The following RNF130 variants were observed in gnomAD, a reference collection of about 807,000 sequenced individuals.
The protein encoded by RNF130 is ring finger protein 130.
A neutral mutation model predicts 44.6 loss-of-function variants in RNF130; 21 were observed. That is an observed-to-expected ratio of 0.47 (90% CI 0.33 to 0.68). The LOEUF (loss-of-function observed/expected upper bound fraction) is 0.68, where lower values mean the gene tolerates loss of function less well. Ranked by LOEUF, RNF130 falls within the 30% of genes least tolerant of loss-of-function variation. RNF130 has a pLI of 0.02. For synonymous variants in RNF130, 214 were observed against 210.4 expected, an observed-to-expected ratio of 1.02 and a Z score of -0.15; for missense variants, 479 against 560.6, an observed-to-expected ratio of 0.85 and a Z score of 1.47.
chr5:179,945,357 C>A (rs930892393), intron 7 of RNF130, among the ~76,000 whole-genome samples: 3 of 152,140 alleles, frequency 2.0e-5, no homozygotes, highest in Non-Finnish European at 4.4e-5. Flanking sequence ...GCGGCGGGGG[C>A]TTTTCTGGGC....
At chr5:180,068,399 A>G (rs1765158070) in intron 1 of RNF130, among the ~76,000 whole-genome samples, 1 of 152,264 alleles carries the variant, frequency 6.6e-6, no homozygotes, top group Non-Finnish European at 1.5e-5. Flanking sequence ...ATTCTTTACC[A>G]GTTAAAATAT....
At chr5:180,012,421 A>T (rs1483481903) in intron 3 of RNF130, among the ~76,000 whole-genome samples, 3 of 152,088 alleles carry the variant, frequency 2.0e-5, no homozygotes, top group Non-Finnish European at 4.4e-5. Flanking sequence ...ACATCAATCA[A>T]ACTCAGTCAC....
downstream of RNF130, among the ~76,000 whole-genome samples, chr5:179,950,951 C>T (rs978794648): frequency 1.3e-5 from 2 of 152,104 alleles, no homozygotes; most frequent in Admixed American, 6.5e-5. Context: ...AGGAACTATA[C>T]CATGAATCTA....
intron 3 of RNF130, among the ~76,000 whole-genome samples, chr5:180,006,615 G>T (rs1044602003): frequency 2.0e-5 from 3 of 152,130 alleles, no homozygotes; most frequent in Non-Finnish European, 2.9e-5. Flanking sequence ...AAATATTCAG[G>T]AGTCCATTAA....
rs114592109 is a variant in RNF130, at chr5:180,005,104, A to G, written c.693+7957T>C. Among the ~76,000 whole-genome samples, 260 of 152,286 alleles carry G rather than the reference A, an allele frequency of 1.7e-3. 1 individual carries two copies. The highest frequency in any genetic ancestry group is 5.5e-3 in the African/African-American group (230 of 41,550). ...TTCTCCCTAAGTCTCTCGCACCAGA[A>G]AAGAATTGTATATCACTCCACTGCT... On this transcript the variant is annotated intron_variant, in intron 3 of 8. Transcript: ENST00000521389.
At chr5:180,012,520 G>A (rs1308193800) in intron 3 of RNF130, among the ~76,000 whole-genome samples, 1 of 152,132 alleles carries the variant, frequency 6.6e-6, no homozygotes, top group Non-Finnish European at 1.5e-5. Context: ...TAGATGCGCT[G>A]TCAGTGGAAC....
At chr5:179,994,503 T>C (rs1215256559) in intron 3 of RNF130, among the ~76,000 whole-genome samples, 1 of 152,214 alleles carries the variant, frequency 6.6e-6, no homozygotes, top group Non-Finnish European at 1.5e-5. Context: ...GTGGACTTTT[T>C]TTAATCCTGA....
intron 5 of RNF130, among the ~76,000 whole-genome samples, chr5:179,974,169 G>T (rs1762656794): frequency 6.6e-6 from 1 of 152,150 alleles, no homozygotes; most frequent in Non-Finnish European, 1.5e-5. Flanking sequence ...TGCTAGCTGG[G>T]GCTGGCAGCA....
In RNF130 at chr5:179,990,753, C is replaced by T. The variant is rs1441813917; in HGVS notation, c.694-10553G>A. Among the ~76,000 whole-genome samples the T allele has an allele frequency of 3.9e-5, 6 of 152,360 alleles. No individual in the cohort carries two copies. The East Asian group carries it at 5.8e-4, about 15-fold the overall frequency. ...GGCCCTGTCTGGGCGTGACAGAGGG[C>T]TCACACTCTTGTCTTCTGGTCACTT... is the stretch of plus-strand genomic sequence containing the variant. On this transcript the variant is annotated intron_variant, in intron 3 of 8. Transcript: ENST00000521389.
At chr5:179,949,047 C>T (rs545177284) in intron 7 of RNF130, among the ~76,000 whole-genome samples, 2 of 149,994 alleles carry the variant, frequency 1.3e-5, no homozygotes, top group South Asian at 4.2e-4. Flanking sequence ...CTCACTGCAA[C>T]CTCTGCCTCC....
intron 2 of RNF130, among the ~76,000 whole-genome samples, chr5:180,031,532 C>T (rs146687161): frequency 1.7e-4 from 26 of 152,238 alleles, no homozygotes; most frequent in Admixed American, 5.2e-4. Flanking sequence ...TTATACGTAG[C>T]TTTTTGACTG....
chr5:180,058,551 G>A (rs923877303), intron 1 of RNF130, among the ~76,000 whole-genome samples: 8 of 151,896 alleles, frequency 5.3e-5, no homozygotes, highest in Non-Finnish European at 1.0e-4. Context: ...CATTTAATGG[G>A]TATGTTTTTA....
At chr5:179,994,087 C>G (rs1322737630) in intron 3 of RNF130, among the ~76,000 whole-genome samples, 1 of 152,126 alleles carries the variant, frequency 6.6e-6, no homozygotes, top group Non-Finnish European at 1.5e-5. Flanking sequence ...TGGTCTATAT[C>G]TCTGTTTTGG....
chr5:179,961,825 A>G (rs1762336049), intron 8 of RNF130, among the ~76,000 whole-genome samples: 1 of 152,142 alleles, frequency 6.6e-6, no homozygotes, highest in African/African-American at 2.4e-5. Flanking sequence ...AATTAAATTC[A>G]CTTCCCAGAC....
chr5:180,058,497 T>C (rs887460882), intron 1 of RNF130, among the ~76,000 whole-genome samples: 1 of 151,898 alleles, frequency 6.6e-6, no homozygotes, highest in Non-Finnish European at 1.5e-5. Context: ...GAAAGTAGAG[T>C]GGTGTTCGCA....
chr5:180,035,535 C>T (rs967453559), intron 2 of RNF130, among the ~76,000 whole-genome samples: 4 of 152,122 alleles, frequency 2.6e-5, no homozygotes, highest in Non-Finnish European at 5.9e-5. Flanking sequence ...TAGTGTTGGT[C>T]AAGGTTTCTA....
intron 2 of RNF130, among the ~76,000 whole-genome samples, chr5:180,025,313 T>C (rs1252864404): frequency 2.0e-5 from 3 of 152,198 alleles, no homozygotes; most frequent in Non-Finnish European, 1.5e-5. Context: ...CCCATGTAGA[T>C]CCTTTATATG....
At chr5:180,031,867 T>G (rs943879868) in intron 2 of RNF130, among the ~76,000 whole-genome samples, 1 of 152,248 alleles carries the variant, frequency 6.6e-6, no homozygotes, top group African/African-American at 2.4e-5. Flanking sequence ...ACATTTCTAC[T>G]CGCAATACAT....
chr5:179,957,213 A>G (rs1333952235), intron 8 of RNF130, among the ~76,000 whole-genome samples: 3 of 152,100 alleles, frequency 2.0e-5, no homozygotes, highest in African/African-American at 7.2e-5. Flanking sequence ...GGAGTTTGAG[A>G]CCAGCCTGGC....
Sources: gnomAD v4.1 joint callset for allele counts (sites outside exome capture counted in the v4.1 genomes callset) on GRCh38, gnomAD v4.1.1 for gene constraint, MANE v1.5 for transcripts, NCBI Gene and HGNC (gene_info 2026-07-23, HGNC 2026-07-21) for gene names.